Variants in PKD1L1 observed in about 807,000 individuals in gnomAD.
The protein encoded by PKD1L1 is polycystin 1 like 1, transient receptor potential channel interacting.
A neutral mutation model predicts 323.4 loss-of-function variants in PKD1L1; 236 were observed. The observed-to-expected ratio is 0.73, with a 90% confidence interval of 0.66 to 0.81. The LOEUF (loss-of-function observed/expected upper bound fraction) is 0.81. PKD1L1 is among the 40% of genes least tolerant of loss of function. The pLI, the probability that PKD1L1 is intolerant of heterozygous loss-of-function variation, is 0.00. For synonymous variants in PKD1L1, 1,344 were observed against 1,335.0 expected (o/e 1.01, Z -0.15); for missense variants, 3,320 against 3,508.0 (o/e 0.95, Z 1.35).
intron 32 of PKD1L1, 26 bp from the exon 33 acceptor site, chr7:47,845,104 A>G (rs1785638025): frequency 6.3e-7 from 1 of 1,595,856 alleles, no homozygotes; most frequent in Non-Finnish European, 8.6e-7. Context: ...GGATGAGGAT[A>G]CAGAATGTGT....
intron 15 of PKD1L1, among the ~76,000 whole-genome samples, chr7:47,892,093 C>T (rs1011826644): frequency 2.0e-5 from 3 of 152,134 alleles, no homozygotes; most frequent in Non-Finnish European, 2.9e-5. Flanking sequence ...AATAAGAGCC[C>T]TGCCCTCCAG....
At chr7:47,876,300 C>A in intron 22 of PKD1L1, 83 bp from the exon 23 acceptor site, 2 of 1,459,782 alleles carry the variant, frequency 1.4e-6, no homozygotes, top group Admixed American at 1.8e-5. Context: ...CACAGCTGAG[C>A]CTTCATTGTA....
chr7:47,800,782 G>A lies in PKD1L1; in HGVS notation c.8060C>T (p.Pro2687Leu), dbSNP rs1383864051. 3 of 1,614,086 alleles carry A rather than the reference G, an allele frequency of 1.9e-6. No homozygotes were observed. The South Asian group carries it at 3.3e-5, about 18-fold the overall frequency. The change falls in exon 54 of 57, where the codon CCC (proline) becomes CTC (leucine). Residue 2687 changes from proline (P) to leucine (L), a missense_variant. Transcript: ENST00000289672. ...LPPGTFTDAF[P>L]GLLFHFPRRS... ...TCTGGGAAAATGAAACAGCAGCCCG[G>A]GGAAGGCGTCTGTGAAGGTGCCAGG...
At chr7:47,857,166 A>G (rs1386547414) in intron 28 of PKD1L1, among the ~76,000 whole-genome samples, 5 of 152,224 alleles carry the variant, frequency 3.3e-5, no homozygotes, top group Non-Finnish European at 5.9e-5. Context: ...GGGGGTAAGC[A>G]CTGCCATGTC....
At position 47,858,781 on chromosome 7, in the gene PKD1L1, C is replaced by T; in HGVS notation, c.4254G>A (p.Glu1418=). Residue 1418 remains glutamate, a synonymous_variant, in exon 27 of 57, where the codon GAG becomes GAA. Coordinates refer to ENST00000289672, the MANE Select transcript of PKD1L1 (RefSeq NM_138295.5). ...PFVIDKGVRL[E]LIGLISRVWE... is the part of the protein sequence containing the mutation. ...AGACTCTGGATATGAGACCGATGAG[C>T]TCAAGCCTCACTCCTTTGTCAATCA... 1 of 1,614,192 alleles carries T rather than the reference C, an allele frequency of 6.2e-7. No homozygotes were observed. The highest frequency in any genetic ancestry group is 8.5e-7 in the Non-Finnish European group (1 of 1,180,032).
chr7:47,875,993 G>A, intron 23 of PKD1L1, 104 bp downstream of exon 23: 1 of 1,290,780 alleles, frequency 7.7e-7, no homozygotes, highest in African/African-American at 1.5e-5. Context: ...ACTGATCAAG[G>A]TGATTTTATT....
intron 4 of PKD1L1, among the ~76,000 whole-genome samples, chr7:47,936,134 G>T (rs1787862461): frequency 2.6e-5 from 4 of 152,152 alleles, no homozygotes; most frequent in Admixed American, 2.6e-4. Flanking sequence ...TTTAAATTTT[G>T]TATTGCCTGG....
chr7:47,943,160 AAAAAT>A (rs1386423353), intron 2 of PKD1L1, among the ~76,000 whole-genome samples: 2 of 54,126 alleles, frequency 3.7e-5, no homozygotes, highest in African/African-American at 1.4e-4. Context: ...AAAAAAAAAA[AAAAAT>A]ATATATATAT....
At chr7:47,920,963 C>T (rs1787522806) in intron 7 of PKD1L1, among the ~76,000 whole-genome samples, 1 of 152,080 alleles carries the variant, frequency 6.6e-6, no homozygotes, top group Non-Finnish European at 1.5e-5. Flanking sequence ...TGGAAAAACC[C>T]TTCTAGACAT....
chr7:47,949,608 T>C (rs186937913), upstream of PKD1L1, among the ~76,000 whole-genome samples: 32 of 152,240 alleles, frequency 2.1e-4, no homozygotes, highest in Admixed American at 2.0e-4. Flanking sequence ...TCTTATATTT[T>C]TAAAGCACTT....
intron 56 of PKD1L1, among the ~76,000 whole-genome samples, chr7:47,782,088 A>T (rs1396273308): frequency 6.6e-6 from 1 of 152,094 alleles, no homozygotes; most frequent in African/African-American, 2.4e-5. Context: ...GCTGCATAGT[A>T]TAGTATAACC....
rs779317424 is a variant in PKD1L1 at position 47,866,642 on chromosome 7, C to T, written c.3897-28G>A. ...GAAGGAAACACAAGAGTTATCATTA[C>T]TGTTCCAACACACGGCAAAACTTTT... On this transcript the variant is annotated intron_variant, in intron 24 of 56. Coordinates refer to ENST00000289672, the MANE Select transcript of PKD1L1 (RefSeq NM_138295.5). 25 of 1,560,382 alleles carry T rather than the reference C, an allele frequency of 1.6e-5. No homozygotes were observed. In the South Asian group the frequency reaches 2.7e-4, roughly 17 times the overall value.
intron 50 of PKD1L1, among the ~76,000 whole-genome samples, chr7:47,810,119 T>C (rs912217828): frequency 5.3e-5 from 8 of 152,186 alleles, no homozygotes; most frequent in Non-Finnish European, 1.2e-4. Context: ...TCAAATTTAG[T>C]TATGGATTTG....
At chr7:47,853,765 CCA>C (rs1785835140) in intron 30 of PKD1L1, among the ~76,000 whole-genome samples, 1 of 98,550 alleles carries the variant, frequency 1.0e-5, no homozygotes, top group Non-Finnish European at 2.1e-5. Flanking sequence ...AACAAACAAA[CCA>C]AAAAAAAAAA....
intron 22 of PKD1L1, among the ~76,000 whole-genome samples, chr7:47,877,147 C>T (rs941215507): frequency 6.6e-6 from 1 of 152,062 alleles, no homozygotes; most frequent in African/African-American, 2.4e-5. Flanking sequence ...CCAGGCTCCT[C>T]TCCTCACTTT....
intron 14 of PKD1L1, among the ~76,000 whole-genome samples, chr7:47,896,074 C>T (rs906438987): frequency 1.3e-5 from 2 of 152,110 alleles, no homozygotes; most frequent in Admixed American, 6.5e-5. Context: ...TGATGGCTCA[C>T]GCCTATAATC....
chr7:47,822,503 G>T lies in PKD1L1; in HGVS notation c.6855-1317C>A, dbSNP rs536338308. Among the ~76,000 whole-genome samples the T allele has an allele frequency of 7.6e-5, 11 of 144,392 alleles. No individual in the cohort carries two copies. The East Asian group carries it at 1.5e-3, about 20-fold the overall frequency. The allele number at this position is 144,392 out of a possible 152,430, so 94.7% of individuals were successfully genotyped here. A position where few individuals can be genotyped will look rare whatever the true frequency, so the allele number is the denominator to read the frequency against. Reference sequence around the variant, plus strand: ...CCAGTTACTCGGGAGGCTGAGGCAGGAGAACAGCTCAAACTCGGGAGGCGG... The same window carrying T: ...CCAGTTACTCGGGAGGCTGAGGCAGTAGAACAGCTCAAACTCGGGAGGCGG... On this transcript the variant is annotated intron_variant, in intron 45 of 56. Transcript: ENST00000289672.
At chr7:47,793,665 T>C (rs1157902924) in intron 55 of PKD1L1, among the ~76,000 whole-genome samples, 1 of 152,130 alleles carries the variant, frequency 6.6e-6, no homozygotes, top group Non-Finnish European at 1.5e-5. Context: ...GGGGTGTTGC[T>C]GAAAAGATAC....
At position 47,880,263 on chromosome 7, in the gene PKD1L1, T is replaced by C. The variant is rs1198675494; in HGVS notation, c.3520+465A>G. ...CATAAATAAGATATATATATATATA[T>C]ACATATATATATATATATATATTTT... On this transcript the variant is annotated intron_variant, in intron 21 of 56. Transcript: ENST00000289672. Among the ~76,000 whole-genome samples, 28 of 88,350 alleles carry C rather than the reference T, an allele frequency of 3.2e-4. 2 individuals are homozygous for C. Among genetic ancestry groups the C allele is most frequent in the South Asian group, 1.1e-3 (3 of 2,766 alleles). The allele number at this position is 88,350 out of a possible 152,430, so 58.0% of individuals were successfully genotyped here. A position where few individuals can be genotyped will look rare whatever the true frequency, so the allele number is the denominator to read the frequency against.
Sources: gnomAD v4.1 joint callset for allele counts (sites outside exome capture counted in the v4.1 genomes callset) on GRCh38, gnomAD v4.1.1 for gene constraint, MANE v1.5 for transcripts, NCBI Gene and HGNC (gene_info 2026-07-23, HGNC 2026-07-21) for gene names.